Variants in TECPR2 observed in about 807,000 individuals in gnomAD.
TECPR2 encodes the protein tectonin beta-propeller repeat containing 2, also known as tectonin beta-propeller repeat-containing protein 2.
A neutral mutation model predicts 138.1 loss-of-function variants in TECPR2; 65 were observed. That is an observed-to-expected ratio of 0.47 (90% CI 0.39 to 0.58). The LOEUF is 0.58. Ranked by LOEUF, TECPR2 falls within the 20% of genes least tolerant of loss-of-function variation. The pLI is 0.00. For missense variants in TECPR2, 1,553 were observed against 1,824.5 expected, an observed-to-expected ratio of 0.85 and a Z score of 2.71; for synonymous variants, 746 against 749.8, an observed-to-expected ratio of 0.99 and a Z score of 0.08.
chr14:102,488,487 C>T (rs1236371442), intron 17 of TECPR2, among the ~76,000 whole-genome samples: 2 of 151,642 alleles, frequency 1.3e-5, no homozygotes, highest in Non-Finnish European at 2.9e-5. Flanking sequence ...TTACAGGCGC[C>T]CCCCACCACG....
At chr14:102,461,770 G>A (rs1419387011) in intron 16 of TECPR2, among the ~76,000 whole-genome samples, 1 of 152,202 alleles carries the variant, frequency 6.6e-6, no homozygotes, top group Non-Finnish European at 1.5e-5. Flanking sequence ...CTTCTGCTCA[G>A]AGCCTGTTGC....
rs1205896561 is a variant in TECPR2, at chr14:102,487,849, T to TG, written c.3790-9130_3790-9129insG. Among the ~76,000 whole-genome samples, 4 of 132,552 alleles carry TG rather than the reference T, an allele frequency of 3.0e-5. 1 individual carries two copies. The highest frequency in any genetic ancestry group is 5.0e-5 in the Non-Finnish European group (3 of 60,086). The allele number at this position is 132,552 out of a possible 152,430, so 87.0% of individuals were successfully genotyped here. A position where few individuals can be genotyped will look rare whatever the true frequency, so the allele number is the denominator to read the frequency against. On this transcript the variant is annotated intron_variant, in intron 17 of 19. Coordinates refer to ENST00000359520, the MANE Select transcript of TECPR2 (RefSeq NM_014844.5). ...AGCCACCACGCCCGGCCTGTTTGTT[T>TG]TTTTTTTTTGATACGGAGTTTCACT...
intron 1 of TECPR2, among the ~76,000 whole-genome samples, chr14:102,375,637 T>C (rs1023797103): frequency 4.6e-5 from 7 of 152,166 alleles, no homozygotes; most frequent in African/African-American, 1.7e-4. Flanking sequence ...AAATCCATGA[T>C]GCAAGAAGTT....
Position 102,498,117 on chromosome 14 carries a change from G to T in TECPR2, c.4096G>T (p.Glu1366Ter). 6.2e-7 allele frequency: 1 copy of T among 1,613,508 alleles called. No homozygotes were observed. Among genetic ancestry groups the T allele is most frequent in the Non-Finnish European group, 8.5e-7 (1 of 1,179,948 alleles). ...TGTCCCTGCAGTGACTGCGTCAGAT[G>T]AGCTGTGGGCTGTGGGCCCGCCCGG... The part of the protein sequence containing the change: ...VSCFTVTASD[E>*]LWAVGPPGYL... The change falls in exon 20 of 20, where the codon GAG (glutamate) becomes TAG (stop). Residue 1366 changes from glutamate (E) to a stop codon, truncating the protein, a stop_gained. Coordinates refer to ENST00000359520, the MANE Select transcript of TECPR2 (RefSeq NM_014844.5). LOFTEE classifies it high-confidence loss of function.
chr14:102,404,742 A>T (rs1888608575), intron 2 of TECPR2, among the ~76,000 whole-genome samples: 1 of 151,432 alleles, frequency 6.6e-6, no homozygotes, highest in Non-Finnish European at 1.5e-5. Flanking sequence ...ACACCTGGCT[A>T]ATTTGTGTAT....
intron 9 of TECPR2, among the ~76,000 whole-genome samples, chr14:102,435,940 G>T (rs1466966883): frequency 6.6e-6 from 1 of 152,208 alleles, no homozygotes; most frequent in Non-Finnish European, 1.5e-5. Context: ...GTCGATGTGA[G>T]GTATGAATTA....
chr14:102,396,490 T>G (rs1184358768), intron 2 of TECPR2, among the ~76,000 whole-genome samples: 1 of 152,182 alleles, frequency 6.6e-6, no homozygotes, highest in East Asian at 1.9e-4. Flanking sequence ...TTGTTTTTGT[T>G]TTTTTGTGTT....
intron 17 of TECPR2, among the ~76,000 whole-genome samples, chr14:102,494,614 G>C (rs533758919): frequency 6.7e-6 from 1 of 150,168 alleles, no homozygotes; most frequent in South Asian, 2.1e-4. Flanking sequence ...GATCACCTGA[G>C]GTCAGGAGTT....
In TECPR2 at chr14:102,500,822, G is replaced by A. The variant is rs2139807222; in HGVS notation, c.*2565G>A. 6.6e-6 allele frequency: 1 copy of A among 152,376 alleles called. No homozygotes were observed. Among genetic ancestry groups the A allele is most frequent in the Non-Finnish European group, 1.5e-5 (1 of 68,044 alleles). 9.4% of individuals were successfully genotyped at this position (152,376 alleles called of 1,614,324 possible). On this transcript the variant is annotated 3_prime_UTR_variant, in exon 20 of 20. Transcript: ENST00000359520. ...GGGCAGGCAGGGAGGAATAATGTTAGTACCCACAAATGCCCATGACTGTGC... is the reference window on the plus strand; with the variant it reads ...GGGCAGGCAGGGAGGAATAATGTTAATACCCACAAATGCCCATGACTGTGC...
Position 102,440,542 on chromosome 14 carries a change from G to A in TECPR2, c.2685G>A (p.Val895=). ...RHWYEALPQA[V]FVALSDDTAW... ...GGTACGAAGCCCTGCCCCAGGCAGT[G>A]TTTGTGGCCCTGAGCGATGACACGG... The change falls in exon 11 of 20, where the codon GTG becomes GTA. Residue 895 remains valine (V), a synonymous_variant. Coordinates refer to ENST00000359520, the MANE Select transcript of TECPR2 (RefSeq NM_014844.5). 2.5e-6 allele frequency: 4 copies of A among 1,614,208 alleles called. No individual in the cohort carries two copies. The highest frequency in any genetic ancestry group is 3.4e-6 in the Non-Finnish European group (4 of 1,180,054).
intron 2 of TECPR2, among the ~76,000 whole-genome samples, chr14:102,403,820 A>G (rs2139688923): frequency 6.6e-6 from 1 of 152,350 alleles, no homozygotes; most frequent in African/African-American, 2.4e-5. Flanking sequence ...ACAATGAAAC[A>G]TGAAACATTG....
In TECPR2 at chr14:102,443,910, A is replaced by T; in HGVS notation, c.2933+83A>T. 1 of 1,366,362 alleles carries T rather than the reference A, an allele frequency of 7.3e-7. No individual in the cohort carries two copies. Among genetic ancestry groups the T allele is most frequent in the Non-Finnish European group, 9.7e-7 (1 of 1,031,700 alleles). 84.6% of individuals were successfully genotyped at this position (1,366,362 alleles called of 1,614,324 possible). A position where few individuals can be genotyped will look rare whatever the true frequency, so the allele number is the denominator to read the frequency against. On this transcript the variant is annotated intron_variant, in intron 12 of 19. Coordinates refer to ENST00000359520, the MANE Select transcript of TECPR2 (RefSeq NM_014844.5). This position sits in a 1 kb window ranked among gnomAD's most constrained non-coding sequence, Gnocchi z 4.9. ...CCACTTGACACCACAAGGCACCATG[A>T]GGCCGTTCCTGGGAGGCAGCACCTG...
At chr14:102,375,911 G>A (rs530421794) in intron 1 of TECPR2, among the ~76,000 whole-genome samples, 2 of 152,316 alleles carry the variant, frequency 1.3e-5, no homozygotes, top group Admixed American at 1.3e-4. Context: ...ATAAGGTAGG[G>A]TCAGGATTAA....
intron 1 of TECPR2, among the ~76,000 whole-genome samples, chr14:102,375,957 A>T (rs976638499): frequency 7.2e-5 from 11 of 152,200 alleles, no homozygotes; most frequent in Non-Finnish European, 1.2e-4. Context: ...GATGGCGTGC[A>T]TGGAAGGGTT....
chr14:102,427,073 T>C (rs1242513798), intron 6 of TECPR2, among the ~76,000 whole-genome samples: 1 of 151,946 alleles, frequency 6.6e-6, no homozygotes, highest in Non-Finnish European at 1.5e-5. Context: ...GGCCGGAGCC[T>C]GGTTTGTTTT....
chr14:102,435,745 A>G (rs2139732956), intron 9 of TECPR2, among the ~76,000 whole-genome samples: 1 of 152,338 alleles, frequency 6.6e-6, no homozygotes, highest in Non-Finnish European at 1.5e-5. Flanking sequence ...CTGTACAGGA[A>G]CCAGTTTGGA....
In TECPR2 at chr14:102,499,393, T is replaced by A. The variant is rs1347334224; in HGVS notation, c.*1136T>A. On this transcript the variant is annotated 3_prime_UTR_variant, in exon 20 of 20. Coordinates refer to ENST00000359520, the MANE Select transcript of TECPR2 (RefSeq NM_014844.5). ...ATCTTACAAATTTAGAAGAGAGATA[T>A]GTTTTCCGAAAACAGTGGAAGCCCT... 6.7e-6 allele frequency: 4 copies of A among 597,792 alleles called. No individual in the cohort carries two copies. The highest frequency in any genetic ancestry group is 1.2e-5 in the Non-Finnish European group (4 of 335,580). The allele number at this position is 597,792 out of a possible 1,614,324, so 37.0% of individuals were successfully genotyped here. A position where few individuals can be genotyped will look rare whatever the true frequency, so the allele number is the denominator to read the frequency against.
chr14:102,497,334 A>G (rs1176830100), intron 18 of TECPR2, among the ~76,000 whole-genome samples: 1 of 152,132 alleles, frequency 6.6e-6, no homozygotes, highest in Non-Finnish European at 1.5e-5. Context: ...GTGGGAGGGC[A>G]GTTTGCACAC....
At chr14:102,432,658 G>A (rs1233525137) in intron 8 of TECPR2, among the ~76,000 whole-genome samples, 1 of 151,656 alleles carries the variant, frequency 6.6e-6, no homozygotes, top group Non-Finnish European at 1.5e-5. Flanking sequence ...GCCTCCCAAA[G>A]TGCTGGGATT....
Sources: gnomAD v4.1 joint callset for allele counts (sites outside exome capture counted in the v4.1 genomes callset) on GRCh38, gnomAD v4.1.1 for gene constraint, Gnocchi (gnomAD v3.1) non-coding constraint, MANE v1.5 for transcripts, NCBI Gene and HGNC (gene_info 2026-07-23, HGNC 2026-07-21) for gene names.